ITGA9: variants seen among roughly 807,000 people sequenced by gnomAD.
ITGA9 encodes integrin subunit alpha 9, also known as integrin alpha-9.
ITGA9 carries 56 observed loss-of-function variants against 127.8 expected under a neutral mutation model. The observed-to-expected ratio is 0.44, with a 90% confidence interval of 0.35 to 0.55. ITGA9 has a LOEUF of 0.55. Among genes scored for constraint, ITGA9 ranks in the 20% least tolerant of loss-of-function variants. ITGA9 has a pLI of 0.00. For synonymous variants in ITGA9, 508 were observed against 514.5 expected (o/e 0.99, Z 0.17); for missense variants, 1,196 against 1,347.1 (o/e 0.89, Z 1.76).
intron 3 of ITGA9, among the ~76,000 whole-genome samples, chr3:37,480,089 T>C (rs1579053064): frequency 6.6e-6 from 1 of 151,944 alleles, no homozygotes; most frequent in Non-Finnish European, 1.5e-5. Context: ...CCAGGAGAAG[T>C]GGAACGGGCT....
intron 15 of ITGA9, among the ~76,000 whole-genome samples, chr3:37,556,057 G>C (rs2125597138): frequency 6.6e-6 from 1 of 152,350 alleles, no homozygotes; most frequent in East Asian, 1.9e-4. Flanking sequence ...TGCTAGTGCT[G>C]GGTGGAAAGA....
intron 26 of ITGA9, among the ~76,000 whole-genome samples, chr3:37,787,267 G>A (rs537205941): frequency 1.0e-4 from 15 of 147,570 alleles, no homozygotes; most frequent in Admixed American, 7.5e-4. Flanking sequence ...TTTTCTACAC[G>A]TAGAATCCCT....
At chr3:37,576,238 C>G (rs1459215987) in intron 15 of ITGA9, among the ~76,000 whole-genome samples, 1 of 152,198 alleles carries the variant, frequency 6.6e-6, no homozygotes, top group Non-Finnish European at 1.5e-5. Context: ...GCACACAGGG[C>G]TAGGGGAACT....
At chr3:37,624,869 G>T (rs1285430423) in intron 15 of ITGA9, among the ~76,000 whole-genome samples, 2 of 152,104 alleles carry the variant, frequency 1.3e-5, no homozygotes, top group Non-Finnish European at 2.9e-5. Context: ...AGCCTCTTAA[G>T]GTGCTGGGAT....
intron 1 of ITGA9, among the ~76,000 whole-genome samples, chr3:37,458,063 T>G (rs2125546095): frequency 6.6e-6 from 1 of 152,378 alleles, no homozygotes; most frequent in South Asian, 2.1e-4. Context: ...AATTCCTTGC[T>G]TTCAAGGGGT....
chr3:37,457,946 G>A (rs932875763), intron 1 of ITGA9, among the ~76,000 whole-genome samples: 1 of 152,178 alleles, frequency 6.6e-6, no homozygotes, highest in Admixed American at 6.5e-5. Flanking sequence ...TGATTCCCTG[G>A]TGACATGCTG....
At chr3:37,714,448 C>G (rs1172764103) in intron 18 of ITGA9, among the ~76,000 whole-genome samples, 1 of 152,128 alleles carries the variant, frequency 6.6e-6, no homozygotes, top group Non-Finnish European at 1.5e-5. Flanking sequence ...GTCCACAGGT[C>G]AGGGGCAACG....
At chr3:37,460,080 A>C (rs1485595000) in intron 1 of ITGA9, among the ~76,000 whole-genome samples, 1 of 152,048 alleles carries the variant, frequency 6.6e-6, no homozygotes, top group Admixed American at 6.6e-5. Flanking sequence ...GTATCCCTCT[A>C]ACCTCCTGGG....
chr3:37,750,147 C>T (rs1365688563), intron 22 of ITGA9, among the ~76,000 whole-genome samples: 2 of 151,902 alleles, frequency 1.3e-5, no homozygotes, highest in Non-Finnish European at 2.9e-5. Context: ...TGAGTTCTCA[C>T]CAAGTGTAAT....
rs531846442 is a variant in ITGA9, at chr3:37,760,221, C to A, written c.2541+9652C>A. ...GAGGTTGCGGTGAGCCGAGATCACA[C>A]CACTGCACTTCAGCCTGGGCAAAAG... On this transcript the variant is annotated intron_variant, in intron 23 of 27. Coordinates refer to ENST00000264741, the MANE Select transcript of ITGA9 (RefSeq NM_002207.3). Among the ~76,000 whole-genome samples, 9 of 151,992 alleles carry A rather than the reference C, an allele frequency of 5.9e-5. No homozygotes were observed. The East Asian group carries it at 1.7e-3, about 29-fold the overall frequency.
intron 9 of ITGA9, among the ~76,000 whole-genome samples, chr3:37,516,639 G>A (rs1001588572): frequency 1.3e-5 from 2 of 152,154 alleles, no homozygotes; most frequent in Non-Finnish European, 2.9e-5. Flanking sequence ...TGTTTTCAAG[G>A]TGTAAATTGT....
chr3:37,670,084 GA>G (rs1386121285), intron 17 of ITGA9, among the ~76,000 whole-genome samples: 1 of 146,554 alleles, frequency 6.8e-6, no homozygotes, highest in East Asian at 2.0e-4. Context: ...TTTTTTCCAA[GA>G]AAAAAAAGAA....
chr3:37,666,298 A>C (rs1700585706), intron 17 of ITGA9, among the ~76,000 whole-genome samples: 2 of 152,202 alleles, frequency 1.3e-5, no homozygotes, highest in Admixed American at 1.3e-4. Context: ...AGAAGTAAGG[A>C]AGTACACAGG....
intron 26 of ITGA9, among the ~76,000 whole-genome samples, chr3:37,795,433 G>C (rs903634042): frequency 8.5e-5 from 13 of 152,300 alleles, no homozygotes; most frequent in African/African-American, 3.1e-4. Flanking sequence ...TTCACCCACT[G>C]CCTCAGACTG....
intron 26 of ITGA9, among the ~76,000 whole-genome samples, chr3:37,796,821 G>GAC (rs1697179568): frequency 1.3e-5 from 2 of 152,166 alleles, no homozygotes; most frequent in African/African-American, 2.4e-5. Context: ...TGGTTCAGGT[G>GAC]ACAGGAATGC....
Position 37,770,759 on chromosome 3 carries a change from C to G in ITGA9, c.2542-6633C>G, listed in dbSNP as rs570647890. ...GGGGATTCTTTATCCTCTCACAGGC[C>G]TGGCACCGTGGTGGCTTCTGACCAT... On this transcript the variant is annotated intron_variant, in intron 23 of 27. Coordinates refer to ENST00000264741, the MANE Select transcript of ITGA9 (RefSeq NM_002207.3). Among the ~76,000 whole-genome samples the G allele has an allele frequency of 5.3e-5, 8 of 152,318 alleles. 1 individual carries two copies. The highest frequency in any genetic ancestry group is 3.9e-4 in the East Asian group (2 of 5,184).
At chr3:37,613,836 T>C (rs1700047886) in intron 15 of ITGA9, among the ~76,000 whole-genome samples, 1 of 152,228 alleles carries the variant, frequency 6.6e-6, no homozygotes, top group East Asian at 1.9e-4. Flanking sequence ...GTAAATTTGT[T>C]TGAGTTCATT....
chr3:37,486,909 T>C (rs1698615531), intron 4 of ITGA9, among the ~76,000 whole-genome samples: 1 of 152,238 alleles, frequency 6.6e-6, no homozygotes, highest in African/African-American at 2.4e-5. Context: ...TGGCTTTTAT[T>C]TCTAGTGTGT....
At chr3:37,620,603 A>G (rs1700118581) in intron 15 of ITGA9, among the ~76,000 whole-genome samples, 1 of 152,182 alleles carries the variant, frequency 6.6e-6, no homozygotes, top group Non-Finnish European at 1.5e-5. Flanking sequence ...CAAGAAATGG[A>G]GCTTGGACCC....
Sources: allele counts gnomAD v4.1 joint callset (sites outside exome capture counted in the v4.1 genomes callset), GRCh38; gene constraint gnomAD v4.1.1; transcripts MANE v1.5; gene names NCBI Gene and HGNC (gene_info 2026-07-23, HGNC 2026-07-21).